TNR: variants seen among roughly 807,000 people sequenced by gnomAD.
TNR encodes tenascin-R.
In TNR, 45 loss-of-function variants were observed where a neutral mutation model predicts 150.4. The observed-to-expected ratio is 0.30, with a 90% CI of 0.24 to 0.38. The LOEUF (loss-of-function observed/expected upper bound fraction) is 0.38. Among genes scored for constraint, TNR ranks in the 10% least tolerant of loss-of-function variants. TNR has a pLI of 1.00. For missense variants in TNR, 1,544 were observed against 1,759.1 expected, an observed-to-expected ratio of 0.88 and a Z score of 2.19; for synonymous variants, 687 against 678.4, an observed-to-expected ratio of 1.01 and a Z score of -0.20.
At chr1:175,458,935 ACCACCATTAGCACCT>A (rs1297466043) in intron 2 of TNR, among the ~76,000 whole-genome samples, 2 of 142,068 alleles carry the variant, frequency 1.4e-5, no homozygotes, top group African/African-American at 6.2e-5. Flanking sequence ...CATCATCACC[ACCACCATTAGCACCT>A]CCACCAACAC....
intron 1 of TNR, among the ~76,000 whole-genome samples, chr1:175,647,044 A>G (rs1396481486): frequency 6.6e-6 from 1 of 152,240 alleles, no homozygotes; most frequent in South Asian, 2.1e-4. Flanking sequence ...CAGCCCTGAA[A>G]TAGGACAGAG....
chr1:175,471,774 A>G (rs1198164428), intron 2 of TNR, among the ~76,000 whole-genome samples: 1 of 152,176 alleles, frequency 6.6e-6, no homozygotes, highest in East Asian at 1.9e-4. Context: ...TTCTTCAATT[A>G]TAAATTAATC....
Position 175,319,704 on chromosome 1 carries a change from T to C in TNR, c.*3653A>G, listed in dbSNP as rs2101974131. The C allele has an allele frequency of 6.6e-6, 1 of 152,402 alleles. No homozygotes were observed. The highest frequency in any genetic ancestry group is 2.1e-4 in the South Asian group (1 of 4,832). 9.4% of individuals were successfully genotyped at this position (152,402 alleles called of 1,614,324 possible). A position where few individuals can be genotyped will look rare whatever the true frequency, so the allele number is the denominator to read the frequency against. ...TGTTCTTTTACAAATCAATCTCCCA[T>C]ACAAATCAGCTGGCCGGTTTTCCTG... On this transcript the variant is annotated 3_prime_UTR_variant, in exon 23 of 23. Transcript: ENST00000367674.
rs760610651 is a variant in TNR, at chr1:175,403,446, C to T, written c.670G>A (p.Glu224Lys). Residue 224 changes from glutamate to lysine, a missense_variant, in exon 4 of 23, where the codon GAG (glutamate) becomes AAG (lysine). Transcript: ENST00000367674. ...TCGGAACAGTCATCCCCGCTGTACT[C>T]GCTGTCACAGATGCACTGGCCATCC... The part of the protein sequence containing the change: ...CVDGQCICDS[E>K]YSGDDCSELR... The T allele has an allele frequency of 9.3e-6, 15 of 1,614,100 alleles. No individual in the cohort carries two copies. The highest frequency in any genetic ancestry group is 5.0e-5 in the Admixed American group (3 of 60,014).
At chr1:175,409,618 G>A (rs1306213674) in intron 2 of TNR, among the ~76,000 whole-genome samples, 1 of 152,130 alleles carries the variant, frequency 6.6e-6, no homozygotes, top group Non-Finnish European at 1.5e-5. Flanking sequence ...AGATAGACAA[G>A]GGTCTATGTT....
At chr1:175,535,484 G>T (rs1317388823) in intron 1 of TNR, among the ~76,000 whole-genome samples, 1 of 151,550 alleles carries the variant, frequency 6.6e-6, no homozygotes, top group South Asian at 2.1e-4. Context: ...GTTTTGAGAC[G>T]GAGTCTCGCT....
intron 1 of TNR, among the ~76,000 whole-genome samples, chr1:175,739,512 A>C (rs186155009): frequency 0.02 from 3,080 of 152,034 alleles, 110 homozygotes; most frequent in African/African-American, 0.069. Context: ...ACACACACAC[A>C]CGCACGCACA....
rs1553200785 is a variant in TNR, at chr1:175,315,812, A to ATATGTGTG, written c.*7544_*7545insCACACATA. On this transcript the variant is annotated 3_prime_UTR_variant, in exon 23 of 23. Coordinates refer to ENST00000367674, the MANE Select transcript of TNR (RefSeq NM_003285.3). ...TGTGTGCATGCATGTGTGTGTGTGC[A>ATATGTGTG]TGTGTGTGTGTGTGTGTGTGTGTGT... is the stretch of plus-strand genomic sequence containing the variant. The ATATGTGTG allele has an allele frequency of 2.7e-5, 4 of 146,968 alleles. No homozygotes were observed. Among genetic ancestry groups the ATATGTGTG allele is most frequent in the Admixed American group, 6.8e-5 (1 of 14,784 alleles). The allele number at this position is 146,968 out of a possible 1,614,324, so 9.1% of individuals were successfully genotyped here.
At chr1:175,694,954 A>C (rs1666469526) in intron 1 of TNR, among the ~76,000 whole-genome samples, 1 of 152,234 alleles carries the variant, frequency 6.6e-6, no homozygotes, top group African/African-American at 2.4e-5. Context: ...GCCTTAGCAA[A>C]CAAACACATC....
chr1:175,453,581 G>C (rs1656424292), intron 2 of TNR, among the ~76,000 whole-genome samples: 1 of 151,922 alleles, frequency 6.6e-6, no homozygotes, highest in African/African-American at 2.4e-5. Flanking sequence ...ATTTTTCAGA[G>C]ACAAGGCATC....
intron 1 of TNR, among the ~76,000 whole-genome samples, chr1:175,688,442 A>G (rs904375778): frequency 2.6e-5 from 4 of 152,260 alleles, no homozygotes; most frequent in African/African-American, 7.2e-5. Context: ...AGCAAAGCAG[A>G]TGCTAAATGA....
rs1553218323 is a variant in TNR, at chr1:175,417,075, G to GAAATAAATAAAT, written c.-63-10299_-63-10298insATTTATTTATTT. Among the ~76,000 whole-genome samples, 486 of 138,216 alleles carry GAAATAAATAAAT rather than the reference G, an allele frequency of 3.5e-3. 3 individuals carry two copies. The highest frequency in any genetic ancestry group is 9.6e-3 in the East Asian group (41 of 4,290). The allele number at this position is 138,216 out of a possible 152,430, so 90.7% of individuals were successfully genotyped here. ...AGAAAGAAAGAAAGAAAGAAAGAAA[G>GAAATAAATAAAT]AAATCTAAGAAGTGGTCTCTTCCCT... On this transcript the variant is annotated intron_variant, in intron 2 of 22. Coordinates refer to ENST00000367674, the MANE Select transcript of TNR (RefSeq NM_003285.3).
chr1:175,661,504 G>C (rs975165471), intron 1 of TNR, among the ~76,000 whole-genome samples: 1 of 152,150 alleles, frequency 6.6e-6, no homozygotes, highest in African/African-American at 2.4e-5. Context: ...TGGGCCTTGA[G>C]AGAAAAGGGT....
chr1:175,507,322 G>T (rs567402993), intron 2 of TNR, among the ~76,000 whole-genome samples: 1 of 152,200 alleles, frequency 6.6e-6, no homozygotes, highest in African/African-American at 2.4e-5. Context: ...TAATTCACTT[G>T]CAGGCTCTTT....
intron 1 of TNR, among the ~76,000 whole-genome samples, chr1:175,704,085 C>G (rs758430234): frequency 6.6e-6 from 1 of 152,150 alleles, no homozygotes; most frequent in Non-Finnish European, 1.5e-5. Flanking sequence ...ATGGATACAG[C>G]ATTTCAGTTT....
chr1:175,556,375 T>C (rs1350859310), intron 1 of TNR, among the ~76,000 whole-genome samples: 1 of 152,262 alleles, frequency 6.6e-6, no homozygotes, highest in East Asian at 1.9e-4. Context: ...GTATACTGCC[T>C]GGTACAGAAC....
intron 1 of TNR, among the ~76,000 whole-genome samples, chr1:175,546,280 G>A (rs528670186): frequency 6.6e-6 from 1 of 152,294 alleles, no homozygotes; most frequent in Admixed American, 6.5e-5. Context: ...GTTACCCAGG[G>A]TAATGGGCAA....
chr1:175,739,164 C>T (rs535375976), intron 1 of TNR, among the ~76,000 whole-genome samples: 1 of 152,234 alleles, frequency 6.6e-6, no homozygotes, highest in Non-Finnish European at 1.5e-5. Context: ...CAGGTGACCC[C>T]AGAAAGAGGC....
chr1:175,663,254 C>T (rs1445755539), intron 1 of TNR, among the ~76,000 whole-genome samples: 2 of 152,136 alleles, frequency 1.3e-5, no homozygotes, highest in African/African-American at 2.4e-5. Flanking sequence ...CTCTTTTTCC[C>T]CTCAGAATCT....
Sources: allele counts gnomAD v4.1 joint callset (sites outside exome capture counted in the v4.1 genomes callset), GRCh38; gene constraint gnomAD v4.1.1; transcripts MANE v1.5; gene names NCBI Gene and HGNC (gene_info 2026-07-23, HGNC 2026-07-21).